The following LTBP1 variants were observed in gnomAD, a reference collection of about 807,000 sequenced individuals.
LTBP1 encodes latent-transforming growth factor beta-binding protein 1.
LTBP1 carries 129 observed loss-of-function variants against 207.6 expected under a neutral mutation model. The ratio of observed to expected loss-of-function variants is 0.62; its 90% CI spans 0.54 to 0.72. The LOEUF (loss-of-function observed/expected upper bound fraction) is 0.72. Among genes scored for constraint, LTBP1 ranks in the 30% least tolerant of loss-of-function variants. The probability of loss-of-function intolerance (pLI) is 0.00; values close to 1 mark genes in which losing one functional copy is unlikely to be tolerated. For synonymous variants in LTBP1, 963 were observed against 833.7 expected (o/e 1.16, Z -2.67); for missense variants, 2,281 against 2,217.2 (o/e 1.03, Z -0.58).
intron 2 of LTBP1, among the ~76,000 whole-genome samples, chr2:33,019,748 A>G (rs1360918797): frequency 2.0e-5 from 3 of 152,096 alleles, no homozygotes; most frequent in African/African-American, 4.8e-5. Flanking sequence ...AGATTGGGTT[A>G]CATTCTGTTG....
chr2:32,974,826 T>G (rs1681457941), intron 2 of LTBP1, among the ~76,000 whole-genome samples: 1 of 152,238 alleles, frequency 6.6e-6, no homozygotes, highest in Non-Finnish European at 1.5e-5. Context: ...CTTACTTCTT[T>G]ATCCGACTTC....
chr2:33,277,760 C>CCTTTCTTTCTTT lies in LTBP1; in HGVS notation c.2992+1864_2992+1875dup, dbSNP rs370778507. 4.4e-3 allele frequency among the ~76,000 whole-genome samples: 417 copies of CCTTTCTTTCTTT among 95,228 alleles called. 10 individuals carry two copies. Among genetic ancestry groups the CCTTTCTTTCTTT allele is most frequent in the South Asian group, 8.7e-3 (25 of 2,888 alleles). 62.5% of individuals were successfully genotyped at this position (95,228 alleles called of 152,430 possible). A position where few individuals can be genotyped will look rare whatever the true frequency, so the allele number is the denominator to read the frequency against. On this transcript the variant is annotated intron_variant, in intron 18 of 33. Transcript: ENST00000404816. ...GAAGTCAAATACTGATTTTTTTTTC[C>CCTTTCTTTCTTT]CTTTCTTTCTTTCTTTCTTTCTTTC...
chr2:33,007,801 C>T (rs1687135086), intron 2 of LTBP1, among the ~76,000 whole-genome samples: 1 of 152,134 alleles, frequency 6.6e-6, no homozygotes. Context: ...TACTCTGAAC[C>T]AGGAACTGTC....
chr2:33,325,775 C>A (rs1200842176), intron 24 of LTBP1, among the ~76,000 whole-genome samples: 1 of 152,126 alleles, frequency 6.6e-6, no homozygotes, highest in Non-Finnish European at 1.5e-5. Flanking sequence ...TATAATGGAG[C>A]TAAAACACTC....
chr2:33,226,316 T>A (rs1489848881), intron 9 of LTBP1, among the ~76,000 whole-genome samples: 1 of 152,232 alleles, frequency 6.6e-6, no homozygotes, highest in African/African-American at 2.4e-5. Context: ...TGCCTCTTAA[T>A]AGGGGTGTTT....
chr2:33,065,112 T>C (rs1425159470), intron 3 of LTBP1, among the ~76,000 whole-genome samples: 4 of 152,236 alleles, frequency 2.6e-5, no homozygotes, highest in East Asian at 1.9e-4. Context: ...CCTTTTATCA[T>C]GAAGGCTTGT....
rs1457362710 is a variant in LTBP1, at chr2:33,274,985, G to T, written c.2764G>T (p.Val922Phe). 2.5e-6 allele frequency: 4 copies of T among 1,613,966 alleles called. No individual in the cohort carries two copies. The highest frequency in any genetic ancestry group is 1.1e-5 in the South Asian group (1 of 91,078). Reference protein sequence around the residue: ...KCVDIDECTQVQHLCSQGRCE... With the variant: ...KCVDIDECTQFQHLCSQGRCE... ...AACAGATATTGATGAGTGTACTCAG[G>T]TCCAACACCTCTGCTCCCAGGGCCG... Residue 922 changes from valine (V) to phenylalanine (F), a missense_variant, in exon 17 of 34, where the codon GTC becomes TTC. Val to Phe is a conservative substitution (Grantham distance 50). Around this residue, in one of 3 missense-constraint regions of LTBP1, gnomAD observed 1,671 missense variants for 1,634.8 expected, o/e 1.02. Coordinates refer to ENST00000404816, the MANE Select transcript of LTBP1 (RefSeq NM_206943.4).
intron 32 of LTBP1, among the ~76,000 whole-genome samples, chr2:33,391,256 C>G (rs1303182687): frequency 2.4e-5 from 3 of 126,796 alleles, no homozygotes; most frequent in East Asian, 2.9e-4. Flanking sequence ...TCCCACCCCC[C>G]TCCCTAGGGT....
rs564749390 is a variant in LTBP1 at position 33,141,903 on chromosome 2, A to T, written c.1201+6943A>T. ...TTAATATCTGCAGATAAAGAGCCTT[A>T]TACACAGAGGAAAGAGGCAACCAAT... On this transcript the variant is annotated intron_variant, in intron 5 of 33. Coordinates refer to ENST00000404816, the MANE Select transcript of LTBP1 (RefSeq NM_206943.4). 5.9e-5 allele frequency among the ~76,000 whole-genome samples: 9 copies of T among 152,306 alleles called. No homozygotes were observed. The East Asian group carries it at 1.7e-3, about 29-fold the overall frequency.
intron 3 of LTBP1, among the ~76,000 whole-genome samples, chr2:33,058,625 T>A (rs1211333654): frequency 1.3e-5 from 2 of 152,222 alleles, no homozygotes; most frequent in Non-Finnish European, 2.9e-5. Flanking sequence ...TTATCTTACA[T>A]TTGTGTTTTA....
intron 2 of LTBP1, among the ~76,000 whole-genome samples, chr2:32,961,934 A>C (rs1679180504): frequency 6.7e-6 from 1 of 148,708 alleles, no homozygotes; most frequent in Non-Finnish European, 1.5e-5. Context: ...AACAATAGTG[A>C]AACTCCGTCT....
At position 33,213,609 on chromosome 2, in the gene LTBP1, G is replaced by C. The variant is rs527786723; in HGVS notation, c.1702-3943G>C. Among the ~76,000 whole-genome samples, 4 of 152,316 alleles carry C rather than the reference G, an allele frequency of 2.6e-5. No individual in the cohort carries two copies. In the South Asian group the frequency reaches 6.2e-4, roughly 24 times the overall value. On this transcript the variant is annotated intron_variant, in intron 7 of 33. Coordinates refer to ENST00000404816, the MANE Select transcript of LTBP1 (RefSeq NM_206943.4). ...GTAGGCATTTCCTACATCCAGGTGAGACCCTATGGTGTTCAGTGGTCTCTT... is the reference window on the plus strand; with the variant it reads ...GTAGGCATTTCCTACATCCAGGTGACACCCTATGGTGTTCAGTGGTCTCTT...
chr2:33,382,154 G>A (rs1389448363), intron 31 of LTBP1, among the ~76,000 whole-genome samples: 1 of 129,828 alleles, frequency 7.7e-6, no homozygotes, highest in African/African-American at 3.0e-5. Flanking sequence ...GAGTGCAGTG[G>A]TGCGATCTCG....
chr2:33,092,300 G>C (rs35059012), intron 3 of LTBP1, among the ~76,000 whole-genome samples: 1 of 152,126 alleles, frequency 6.6e-6, no homozygotes, highest in African/African-American at 2.4e-5. Flanking sequence ...TAAAGGATCT[G>C]TTCTTTATTG....
rs1012931293 is a variant in LTBP1, at chr2:33,283,838, G to A, written c.3112+3680G>A. ...ATGATAATGTCTATCTCACAGGGCT[G>A]CCGTGTTCCATAAATGTTAGTGTCT... On this transcript the variant is annotated intron_variant, in intron 19 of 33. Coordinates refer to ENST00000404816, the MANE Select transcript of LTBP1 (RefSeq NM_206943.4). Among the ~76,000 whole-genome samples, 22 of 152,294 alleles carry A rather than the reference G, an allele frequency of 1.4e-4. No homozygotes were observed. The South Asian group carries it at 2.3e-3, about 16-fold the overall frequency.
chr2:33,312,275 G>A (rs1485807589), intron 23 of LTBP1, among the ~76,000 whole-genome samples: 1 of 152,198 alleles, frequency 6.6e-6, no homozygotes, highest in African/African-American at 2.4e-5. Flanking sequence ...AACAGTGTGT[G>A]ATAGGCATAA....
intron 3 of LTBP1, among the ~76,000 whole-genome samples, chr2:33,098,606 A>ATT (rs998227500): frequency 7.0e-6 from 1 of 143,040 alleles, no homozygotes; most frequent in Non-Finnish European, 1.5e-5. Flanking sequence ...TGAATTTTGT[A>ATT]TTTTTTTTTT....
chr2:33,384,384 G>C (rs1047828811), intron 31 of LTBP1, among the ~76,000 whole-genome samples: 2 of 152,142 alleles, frequency 1.3e-5, no homozygotes, highest in Non-Finnish European at 2.9e-5. Context: ...TTGGGGCATG[G>C]GGAATGCAGT....
intron 24 of LTBP1, among the ~76,000 whole-genome samples, chr2:33,340,670 A>G (rs1457712957): frequency 1.3e-5 from 2 of 152,100 alleles, no homozygotes; most frequent in Non-Finnish European, 2.9e-5. Flanking sequence ...GTCATTGAGG[A>G]GGAGGAGGAG....
Sources: gnomAD v4.1 joint callset for allele counts (sites outside exome capture counted in the v4.1 genomes callset) on GRCh38, gnomAD v4.1.1 for gene constraint, gnomAD v4.1.1 regional missense constraint, MANE v1.5 for transcripts, NCBI Gene and HGNC (gene_info 2026-07-23, HGNC 2026-07-21) for gene names.